AUTS2: variants seen among roughly 807,000 people sequenced by gnomAD.
AUTS2 encodes the protein autism susceptibility gene 2 protein.
Under a neutral mutation model 112.4 loss-of-function variants are expected in AUTS2, and 17 were observed. The ratio of observed to expected loss-of-function variants is 0.15; its 90% CI spans 0.10 to 0.23. The LOEUF is 0.23. Ranked by LOEUF, AUTS2 falls within the 10% of genes least tolerant of loss-of-function variation. The pLI, the probability that AUTS2 is intolerant of heterozygous loss-of-function variation, is 1.00. For missense variants in AUTS2, 1,510 were observed against 1,701.6 expected, an observed-to-expected ratio of 0.89 and a Z score of 1.98; for synonymous variants, 751 against 702.7, an observed-to-expected ratio of 1.07 and a Z score of -1.09.
intron 3 of AUTS2, 46 bp downstream of exon 3, chr7:70,118,279 C>T (rs2129572677): frequency 6.7e-7 from 1 of 1,491,472 alleles, no homozygotes. Flanking sequence ...TAACGAAAAC[C>T]ACTAGGCCAC....
chr7:70,713,981 C>G (rs1224712074), intron 6 of AUTS2, among the ~76,000 whole-genome samples: 1 of 152,018 alleles, frequency 6.6e-6, no homozygotes, highest in Non-Finnish European at 1.5e-5. Flanking sequence ...CCAGAACTTG[C>G]ATTTCAAGTA....
intron 4 of AUTS2, among the ~76,000 whole-genome samples, chr7:70,342,808 G>A (rs1791327482): frequency 6.6e-6 from 1 of 152,134 alleles, no homozygotes; most frequent in South Asian, 2.1e-4. Context: ...TGCCTTAAAA[G>A]CAATCAGACT....
At chr7:70,759,378 C>A (rs1237937809) in intron 6 of AUTS2, among the ~76,000 whole-genome samples, 1 of 152,192 alleles carries the variant, frequency 6.6e-6, no homozygotes, top group Admixed American at 6.5e-5. Context: ...ATCCTCACAT[C>A]AGCAGCCTCA....
At chr7:70,090,685 CTTTTT>C (rs1279080115) in intron 2 of AUTS2, among the ~76,000 whole-genome samples, 1 of 129,010 alleles carries the variant, frequency 7.8e-6, no homozygotes, top group Non-Finnish European at 1.7e-5. Context: ...AGATTTCTGT[CTTTTT>C]TTTTTTTTTT....
chr7:70,621,033 C>T (rs371397388), intron 5 of AUTS2, among the ~76,000 whole-genome samples: 2 of 152,142 alleles, frequency 1.3e-5, no homozygotes, highest in Admixed American at 6.5e-5. Flanking sequence ...GGTATGGCGG[C>T]GGTGGGGTAG....
intron 4 of AUTS2, among the ~76,000 whole-genome samples, chr7:70,382,999 A>G (rs549007275): frequency 1.3e-5 from 2 of 152,240 alleles, no homozygotes; most frequent in African/African-American, 4.8e-5. Flanking sequence ...AAGTCTATAT[A>G]TTTTTCCAGA....
chr7:69,856,950 GGAACTAC>G (rs1354272677), intron 1 of AUTS2, among the ~76,000 whole-genome samples: 1 of 152,142 alleles, frequency 6.6e-6, no homozygotes, highest in African/African-American at 2.4e-5. Flanking sequence ...TATTCTTCTA[GGAACTAC>G]TGTTTTTCTT....
At chr7:69,929,125 AT>A (rs1014243158) in intron 2 of AUTS2, among the ~76,000 whole-genome samples, 3 of 152,000 alleles carry the variant, frequency 2.0e-5, no homozygotes, top group African/African-American at 4.8e-5. Flanking sequence ...TGTTTTCAAA[AT>A]TTTTTTCTGG....
chr7:69,698,961 A>T (rs1054642385), intron 1 of AUTS2, among the ~76,000 whole-genome samples: 2 of 151,888 alleles, frequency 1.3e-5, no homozygotes, highest in African/African-American at 4.8e-5. Flanking sequence ...TTGACTATAT[A>T]TTTTTTCCTA....
chr7:69,910,953 A>T (rs1795329384), intron 2 of AUTS2, among the ~76,000 whole-genome samples: 1 of 152,198 alleles, frequency 6.6e-6, no homozygotes, highest in Admixed American at 6.5e-5. Flanking sequence ...AAACCATCAG[A>T]TCTCTTGAGA....
At chr7:70,724,024 TG>T (rs1187198515) in intron 6 of AUTS2, among the ~76,000 whole-genome samples, 1 of 152,028 alleles carries the variant, frequency 6.6e-6, no homozygotes, top group Admixed American at 6.6e-5. Flanking sequence ...CCCGAGTAGC[TG>T]GGATTATGGG....
intron 4 of AUTS2, among the ~76,000 whole-genome samples, chr7:70,251,426 A>G (rs1786591416): frequency 1.3e-5 from 2 of 152,158 alleles, no homozygotes; most frequent in African/African-American, 2.4e-5. Context: ...TCTTCTCTAA[A>G]TGTACTCTTC....
intron 2 of AUTS2, among the ~76,000 whole-genome samples, chr7:70,052,684 G>A (rs1243199261): frequency 2.0e-5 from 3 of 152,186 alleles, no homozygotes; most frequent in African/African-American, 7.2e-5. Flanking sequence ...AAGTGGATAG[G>A]TAGATTCTGA....
chr7:70,021,871 T>A (rs1257308433), intron 2 of AUTS2, among the ~76,000 whole-genome samples: 2 of 152,134 alleles, frequency 1.3e-5, no homozygotes, highest in Admixed American at 6.5e-5. Context: ...CTCTCTGACC[T>A]TTAGCTAATT....
At chr7:70,101,137 C>A (rs1304900484) in intron 2 of AUTS2, among the ~76,000 whole-genome samples, 1 of 152,158 alleles carries the variant, frequency 6.6e-6, no homozygotes, top group African/African-American at 2.4e-5. Context: ...CTCGGCCTCC[C>A]AAAGTGCTGG....
chr7:69,878,913 T>C (rs1396009968), intron 1 of AUTS2, among the ~76,000 whole-genome samples: 1 of 152,172 alleles, frequency 6.6e-6, no homozygotes, highest in Non-Finnish European at 1.5e-5. Context: ...GGGATTGCTA[T>C]TGCTGAGGCT....
At chr7:70,305,964 A>C (rs768742952) in intron 4 of AUTS2, among the ~76,000 whole-genome samples, 1 of 152,198 alleles carries the variant, frequency 6.6e-6, no homozygotes, top group Non-Finnish European at 1.5e-5. Context: ...AAATTATGCC[A>C]AACCATGTAG....
intron 1 of AUTS2, among the ~76,000 whole-genome samples, chr7:69,893,377 A>G (rs948526098): frequency 2.0e-5 from 3 of 152,294 alleles, no homozygotes; most frequent in African/African-American, 7.2e-5. Flanking sequence ...CTGGAGACTC[A>G]TTATTGGTAG....
chr7:70,757,885 C>T (rs1272677527), intron 6 of AUTS2, among the ~76,000 whole-genome samples: 1 of 124,862 alleles, frequency 8.0e-6, no homozygotes, highest in African/African-American at 3.3e-5. Context: ...AGTGCAGTCT[C>T]AGCTCACTGC....
Sources: gnomAD v4.1 joint callset for allele counts (sites outside exome capture counted in the v4.1 genomes callset) on GRCh38, gnomAD v4.1.1 for gene constraint, MANE v1.5 for transcripts, NCBI Gene and HGNC (gene_info 2026-07-23, HGNC 2026-07-21) for gene names.